The following GLI2 variants were observed in gnomAD, a reference collection of about 807,000 sequenced individuals.
GLI2 encodes the protein GLI family zinc finger 2.
A neutral mutation model predicts 78.9 loss-of-function variants in GLI2; 22 were observed. The observed-to-expected ratio is 0.28, with a 90% CI of 0.20 to 0.40. The LOEUF (loss-of-function observed/expected upper bound fraction) is 0.40, where lower values mean the gene tolerates loss of function less well. Among genes scored for constraint, GLI2 ranks in the 10% least tolerant of loss-of-function variants. The pLI is 1.00. For missense variants in GLI2, 2,097 were observed against 2,213.2 expected (o/e 0.95, Z 1.05); for synonymous variants, 974 against 963.7 (o/e 1.01, Z -0.20).
intron 2 of GLI2, 28 bp downstream of exon 2, chr2:120,797,496 G>A (rs546396802): frequency 2.5e-6 from 4 of 1,606,628 alleles, no homozygotes; most frequent in East Asian, 2.2e-5. Context: ...CACTTGGAGG[G>A]CAGCAGGGGT....
At chr2:120,757,391 A>G (rs1003558544) in intron 1 of GLI2, among the ~76,000 whole-genome samples, 6 of 152,220 alleles carry the variant, frequency 3.9e-5, no homozygotes, top group African/African-American at 1.4e-4. Context: ...GCTTTGTTAG[A>G]TGGGACCAGA....
chr2:120,809,391 C>T (rs183181338), intron 2 of GLI2, among the ~76,000 whole-genome samples: 221 of 152,132 alleles, frequency 1.5e-3, no homozygotes, highest in Non-Finnish European at 2.8e-3. Flanking sequence ...TTGCTATGGG[C>T]TTGGGGTTTC....
intron 1 of GLI2, among the ~76,000 whole-genome samples, chr2:120,773,223 C>G (rs1432388240): frequency 7.2e-5 from 11 of 152,056 alleles, no homozygotes. Context: ...CTGAATAAGT[C>G]TTTTGGGGGA....
At chr2:120,940,171 T>C (rs927161716) in intron 3 of GLI2, among the ~76,000 whole-genome samples, 1 of 152,262 alleles carries the variant, frequency 6.6e-6, no homozygotes, top group Non-Finnish European at 1.5e-5. Flanking sequence ...TTACTCATTA[T>C]GTGGTTAGCA....
chr2:120,770,856 G>A lies in GLI2; in HGVS notation c.-30-26435G>A, dbSNP rs532055255. 1.6e-3 allele frequency among the ~76,000 whole-genome samples: 247 copies of A among 152,334 alleles called. 1 individual carries two copies. Among genetic ancestry groups the A allele is most frequent in the Non-Finnish European group, 2.9e-3 (194 of 68,040 alleles). On this transcript the variant is annotated intron_variant, in intron 1 of 13. Coordinates refer to ENST00000361492, the MANE Select transcript of GLI2 (RefSeq NM_001374353.1). ...CTGACCACCTACCCTCCAGGCTGCTGGGACCTGGTGGAAGGGGCCTCCTCT... is the reference window on the plus strand; with the variant it reads ...CTGACCACCTACCCTCCAGGCTGCTAGGACCTGGTGGAAGGGGCCTCCTCT...
rs750049377 is a variant in GLI2 at position 120,989,376 on chromosome 2, A to T, written c.3411A>T (p.Val1137=). ...VQWNEVSSGT[V]DALASQVKPP... is the part of the protein sequence containing the mutation. ...GGAATGAGGTGAGCTCCGGCACCGTAGACGCCCTGGCCAGCCAGGTGAAGC... is the reference window on the plus strand; with the variant it reads ...GGAATGAGGTGAGCTCCGGCACCGTTGACGCCCTGGCCAGCCAGGTGAAGC... The change falls in exon 14 of 14, where the codon GTA becomes GTT. Residue 1137 remains valine (V), a synonymous_variant. Transcript: ENST00000361492. The T allele has an allele frequency of 1.2e-6, 2 of 1,613,004 alleles. No homozygotes were observed. Among genetic ancestry groups the T allele is most frequent in the Non-Finnish European group, 1.7e-6 (2 of 1,179,982 alleles).
intron 2 of GLI2, among the ~76,000 whole-genome samples, chr2:120,834,642 T>G (rs1203646243): frequency 1.3e-5 from 2 of 152,062 alleles, no homozygotes; most frequent in Non-Finnish European, 2.9e-5. Context: ...GAAAGTAGAG[T>G]TAATACCAAT....
intron 8 of GLI2, among the ~76,000 whole-genome samples, chr2:120,972,346 C>G: frequency 6.6e-6 from 1 of 152,254 alleles, no homozygotes; most frequent in East Asian, 1.9e-4. Flanking sequence ...CTGCATCTGT[C>G]TCTCTCTCGC....
At chr2:120,839,649 G>A (rs1270398701) in intron 2 of GLI2, among the ~76,000 whole-genome samples, 2 of 152,204 alleles carry the variant, frequency 1.3e-5, no homozygotes, top group South Asian at 2.1e-4. Context: ...TGCAACCTCC[G>A]CCTCCCAGGT....
chr2:120,988,702 G>A lies in GLI2; in HGVS notation c.2737G>A (p.Gly913Ser), dbSNP rs1008980636. 8 of 1,243,470 alleles carry A rather than the reference G, an allele frequency of 6.4e-6. 1 individual carries two copies. Among genetic ancestry groups the A allele is most frequent in the African/African-American group, 4.9e-5 (3 of 61,502 alleles). 77.0% of individuals were successfully genotyped at this position (1,243,470 alleles called of 1,614,324 possible). The change falls in exon 14 of 14, where the codon GGC (glycine) becomes AGC (serine). Residue 913 changes from glycine (G) to serine (S), a missense_variant. By Grantham distance (56) the Gly-to-Ser change is moderately conservative. Around this residue, in one of 5 missense-constraint regions of GLI2, gnomAD observed 1,290 missense variants for 1,261.7 expected, o/e 1.02. Coordinates refer to ENST00000361492, the MANE Select transcript of GLI2 (RefSeq NM_001374353.1). ...CGCGCCCGAGCGCACGCTGCCCGCCGGCTGCCCACGCCCACTGGGGCCGCG... is the reference window on the plus strand; with the variant it reads ...CGCGCCCGAGCGCACGCTGCCCGCCAGCTGCCCACGCCCACTGGGGCCGCG... ...LDAPERTLPA[G>S]CPRPLGPRRG... is the part of the protein sequence containing the mutation.
chr2:120,875,485 C>T (rs769005263), intron 2 of GLI2, among the ~76,000 whole-genome samples: 5 of 152,202 alleles, frequency 3.3e-5, no homozygotes, highest in East Asian at 1.9e-4. Flanking sequence ...GAGAAGAGGA[C>T]GGTCTTGGAA....
chr2:120,786,474 G>T (rs149515991), intron 1 of GLI2, among the ~76,000 whole-genome samples: 2 of 36,766 alleles, frequency 5.4e-5, no homozygotes, highest in African/African-American at 2.0e-4. Flanking sequence ...CCAACCCCCC[G>T]CCCAACCTGC....
chr2:120,896,138 G>A (rs1434331174), intron 2 of GLI2, among the ~76,000 whole-genome samples: 1 of 152,198 alleles, frequency 6.6e-6, no homozygotes, highest in Admixed American at 6.5e-5. Flanking sequence ...GTGATCTTGG[G>A]CAGGTTGGTT....
chr2:120,861,375 T>A (rs1687893251), intron 2 of GLI2, among the ~76,000 whole-genome samples: 1 of 152,212 alleles, frequency 6.6e-6, no homozygotes. Flanking sequence ...TGGAGGCACC[T>A]CCTGTAGTAT....
intron 2 of GLI2, among the ~76,000 whole-genome samples, chr2:120,907,309 TG>T (rs1678581998): frequency 6.6e-6 from 1 of 152,130 alleles, no homozygotes; most frequent in Non-Finnish European, 1.5e-5. Flanking sequence ...CTTTTTCCTC[TG>T]TGCATCTTTA....
rs372217911 is a variant in GLI2 at position 120,972,060 on chromosome 2, G to A, written c.1179G>A (p.Thr393=). 1.1e-5 allele frequency: 18 copies of A among 1,612,940 alleles called. No homozygotes were observed. In the East Asian group the frequency reaches 2.2e-4, roughly 20 times the overall value. The change falls in exon 8 of 14, where the codon ACG becomes ACA. Residue 393 remains threonine (T), a synonymous_variant. Transcript: ENST00000361492. ...GLRPASPLAL[T]QEQLADLKED... ...GGCCGGCCTCCCCTCTGGCGCTGAC[G>A]CAGGTAACCTGCTGCCAGCCGCACC...
At chr2:120,934,415 A>T (rs2104894595) in intron 3 of GLI2, among the ~76,000 whole-genome samples, 1 of 151,146 alleles carries the variant, frequency 6.6e-6, no homozygotes, top group East Asian at 2.0e-4. Context: ...GACATCCACG[A>T]CTCCACCCCC....
At chr2:120,916,456 G>A (rs1679102206) in intron 2 of GLI2, among the ~76,000 whole-genome samples, 1 of 152,268 alleles carries the variant, frequency 6.6e-6, no homozygotes, top group African/African-American at 2.4e-5. Flanking sequence ...CTTCCAATGA[G>A]CCTTCCTGGC....
Position 120,766,447 on chromosome 2 carries a change from A to G in GLI2, c.-31+30162A>G, listed in dbSNP as rs75114646. ...CCGGGCTGGAGAGGATTGTGGGGGA[A>G]GCCCTTGAGTAGAAGAGTATGGAGG... On this transcript the variant is annotated intron_variant, in intron 1 of 13. Coordinates refer to ENST00000361492, the MANE Select transcript of GLI2 (RefSeq NM_001374353.1). Among the ~76,000 whole-genome samples, 281 of 152,318 alleles carry G rather than the reference A, an allele frequency of 1.8e-3. 7 individuals are homozygous for G. In the East Asian group the frequency reaches 0.049, roughly 26 times the overall value.
Sources: allele counts gnomAD v4.1 joint callset (sites outside exome capture counted in the v4.1 genomes callset), GRCh38; gene constraint gnomAD v4.1.1; regional missense constraint gnomAD v4.1.1; transcripts MANE v1.5; gene names NCBI Gene and HGNC (gene_info 2026-07-23, HGNC 2026-07-21).